HNMT: variants seen among roughly 807,000 people sequenced by gnomAD.
The protein encoded by HNMT is histamine N-methyltransferase.
A neutral mutation model predicts 32.1 loss-of-function variants in HNMT; 30 were observed. The ratio of observed to expected loss-of-function variants is 0.93; its 90% CI spans 0.70 to 1.27. HNMT has a LOEUF of 1.27. Among genes scored for constraint, HNMT ranks in the 50% most tolerant of loss-of-function variants. The probability of loss-of-function intolerance (pLI) is 0.00; values close to 1 mark genes in which losing one functional copy is unlikely to be tolerated. For synonymous variants in HNMT, 125 were observed against 119.0 expected (o/e 1.05, Z -0.33); for missense variants, 327 against 346.0 (o/e 0.95, Z 0.43).
intron 2 of HNMT, among the ~76,000 whole-genome samples, chr2:137,975,170 T>G (rs1355982095): frequency 6.6e-6 from 1 of 152,192 alleles, no homozygotes; most frequent in African/African-American, 2.4e-5. Flanking sequence ...AGGTTGAGGA[T>G]GCAACTGAGA....
chr2:137,984,124 C>T (rs758452520), intron 2 of HNMT, among the ~76,000 whole-genome samples: 3 of 152,186 alleles, frequency 2.0e-5, no homozygotes, highest in Admixed American at 6.6e-5. Flanking sequence ...TATAACTTTC[C>T]ATCTAACTCC....
chr2:138,002,095 C>T lies in HNMT; in HGVS notation c.330C>T (p.Asn110=), dbSNP rs1181838842. The T allele has an allele frequency of 1.3e-5, 21 of 1,594,084 alleles. No homozygotes were observed. Among genetic ancestry groups the T allele is most frequent in the Middle Eastern group, 1.7e-4 (1 of 5,982 alleles). Residue 110 remains asparagine (N), a synonymous_variant, in exon 4 of 6, where the codon AAC becomes AAT. Coordinates refer to ENST00000280097, the MANE Select transcript of HNMT (RefSeq NM_006895.3). ...ELVAKTSNLE[N]VKFAWHKETS... is the part of the protein sequence containing the mutation. ...TAGCCAAGACATCGAACCTCGAGAA[C>T]GTAAAGTTTGCTTGGCATAAGGAGA...
At chr2:137,981,757 G>A (rs886314528) in intron 2 of HNMT, 12 of 176,232 alleles carry the variant, frequency 6.8e-5, no homozygotes, top group African/African-American at 2.6e-4. Context: ...TTACACATAT[G>A]CAATTTAAAG....
At chr2:137,991,166 CTT>C (rs1186729224) in intron 2 of HNMT, among the ~76,000 whole-genome samples, 1 of 152,210 alleles carries the variant, frequency 6.6e-6, no homozygotes, top group Non-Finnish European at 1.5e-5. Context: ...GTACACAGAG[CTT>C]TCATGCTCTG....
intron 1 of HNMT, chr2:137,966,960 CGA>C: frequency 1.5e-6 from 1 of 666,436 alleles, no homozygotes; most frequent in East Asian, 2.7e-5. Context: ...TAAGAGTGAA[CGA>C]GAGGTAAACT....
At chr2:137,992,455 GAGTGC>G (rs1487295023) in intron 2 of HNMT, among the ~76,000 whole-genome samples, 4 of 152,186 alleles carry the variant, frequency 2.6e-5, no homozygotes, top group Non-Finnish European at 4.4e-5. Context: ...TCTGTGGCCA[GAGTGC>G]CTCTTCAGGC....
chr2:137,983,784 G>C (rs1573654837), intron 2 of HNMT, among the ~76,000 whole-genome samples: 1 of 152,274 alleles, frequency 6.6e-6, no homozygotes, highest in Non-Finnish European at 1.5e-5. Flanking sequence ...AGATTCCTCT[G>C]GTGCTGTCTC....
intron 2 of HNMT, among the ~76,000 whole-genome samples, chr2:137,980,536 T>A (rs866718595): frequency 1.1e-4 from 16 of 152,314 alleles, no homozygotes; most frequent in Middle Eastern, 3.4e-3. Context: ...GTATCTTTTC[T>A]GAGTTTTCCA....
At chr2:137,973,255 T>C (rs896523345) in intron 2 of HNMT, among the ~76,000 whole-genome samples, 1 of 152,218 alleles carries the variant, frequency 6.6e-6, no homozygotes, top group African/African-American at 2.4e-5. Context: ...AAGGACACTC[T>C]ACTTCAGTTA....
At chr2:138,008,219 T>A (rs1681386266) in intron 5 of HNMT, among the ~76,000 whole-genome samples, 1 of 152,042 alleles carries the variant, frequency 6.6e-6, no homozygotes, top group Admixed American at 6.6e-5. Flanking sequence ...TAGCTCCCAC[T>A]TATAATTGAG....
At chr2:138,008,801 A>G (rs536013806) in intron 5 of HNMT, among the ~76,000 whole-genome samples, 1 of 152,080 alleles carries the variant, frequency 6.6e-6, no homozygotes, top group African/African-American at 2.4e-5. Flanking sequence ...ACTACCTAAA[A>G]CTATAAAAAC....
At chr2:137,983,079 T>A (rs1171362346) in intron 2 of HNMT, among the ~76,000 whole-genome samples, 1 of 152,180 alleles carries the variant, frequency 6.6e-6, no homozygotes, top group Non-Finnish European at 1.5e-5. Flanking sequence ...TCCCAAAGCC[T>A]CATCCATAAA....
At chr2:137,983,358 T>A (rs1021430895) in intron 2 of HNMT, among the ~76,000 whole-genome samples, 1 of 152,224 alleles carries the variant, frequency 6.6e-6, no homozygotes, top group African/African-American at 2.4e-5. Context: ...TGTAATTTAT[T>A]GCACTTAATG....
intron 2 of HNMT, among the ~76,000 whole-genome samples, chr2:137,977,681 G>T (rs889835459): frequency 6.6e-5 from 10 of 151,952 alleles, no homozygotes; most frequent in African/African-American, 1.9e-4. Context: ...TAATACTGAT[G>T]AGGTTACAGT....
At position 137,970,214 on chromosome 2, in the gene HNMT, GC is replaced by G; in HGVS notation, c.188del (p.Ala63GlufsTer40). 6.5e-7 allele frequency: 1 copy of G among 1,532,518 alleles called. No homozygotes were observed. Among genetic ancestry groups the G allele is most frequent in the Non-Finnish European group, 9.0e-7 (1 of 1,112,518 alleles). The allele number at this position is 1,532,518 out of a possible 1,614,324, so 94.9% of individuals were successfully genotyped here. A position where few individuals can be genotyped will look rare whatever the true frequency, so the allele number is the denominator to read the frequency against. ...TAAGATTCTAAGCATAGGCGGAGGT[GC>G]AGGTATGAGTAATATATTTTTAAAG... ...EIKILSIGGG[A>X]GEIDLQILSK... On this transcript the variant is annotated frameshift_variant and splice_region_variant, in exon 2 of 6. Transcript: ENST00000280097. LOFTEE classifies it high-confidence loss of function.
chr2:138,014,103 T>G lies in HNMT; in HGVS notation c.852T>G (p.Thr284=). Reference sequence around the variant, plus strand: ...AGGGGAAGGTTCTTTTTAATAATACTCTGAGTTTCATAGTGATTGAGGCAT... The same window carrying G: ...AGGGGAAGGTTCTTTTTAATAATACGCTGAGTTTCATAGTGATTGAGGCAT... ...KKEGKVLFNN[T]LSFIVIEA is the part of the protein sequence containing the mutation. Residue 284 remains threonine (T), a synonymous_variant, in exon 6 of 6, where the codon ACT becomes ACG. Coordinates refer to ENST00000280097, the MANE Select transcript of HNMT (RefSeq NM_006895.3). 2 of 1,596,460 alleles carry G rather than the reference T, an allele frequency of 1.3e-6. No individual in the cohort carries two copies. The highest frequency in any genetic ancestry group is 1.1e-5 in the South Asian group (1 of 89,620).
chr2:138,007,896 G>T (rs975354933), intron 5 of HNMT, among the ~76,000 whole-genome samples: 1 of 151,640 alleles, frequency 6.6e-6, no homozygotes, highest in Non-Finnish European at 1.5e-5. Context: ...ACACACTTCC[G>T]TTGAACCTGC....
chr2:137,988,672 C>T (rs1259198274), intron 2 of HNMT: 2 of 152,018 alleles, frequency 1.3e-5, no homozygotes, highest in South Asian at 2.1e-4. Context: ...GTCAAGAGTT[C>T]GAGACCAGCC....
Position 138,016,000 on chromosome 2 carries a change from T to A in HNMT, c.*1870T>A, listed in dbSNP as rs1668907780. On this transcript the variant is annotated 3_prime_UTR_variant, in exon 6 of 6. Coordinates refer to ENST00000280097, the MANE Select transcript of HNMT (RefSeq NM_006895.3). ...GCCTTTTTAAAGAGAGAAATTCCCA[T>A]GAAAACCTACTAGTCAGCAATGGGA... 2 of 152,094 alleles carry A rather than the reference T, an allele frequency of 1.3e-5. No homozygotes were observed. Among genetic ancestry groups the A allele is most frequent in the South Asian group, 4.1e-4 (2 of 4,830 alleles). The allele number at this position is 152,094 out of a possible 1,614,324, so 9.4% of individuals were successfully genotyped here. A position where few individuals can be genotyped will look rare whatever the true frequency, so the allele number is the denominator to read the frequency against.
Sources: gnomAD v4.1 joint callset for allele counts (sites outside exome capture counted in the v4.1 genomes callset) on GRCh38, gnomAD v4.1.1 for gene constraint, MANE v1.5 for transcripts, NCBI Gene and HGNC (gene_info 2026-07-23, HGNC 2026-07-21) for gene names.